Variants in C20orf203 observed in about 807,000 individuals in gnomAD.
The protein encoded by C20orf203 is chromosome 20 open reading frame 203, also known as uncharacterized protein C20orf203.
A neutral mutation model predicts 15.9 loss-of-function variants in C20orf203; 16 were observed. The observed-to-expected ratio is 1.01, with a 90% confidence interval of 0.68 to 1.53. The LOEUF is 1.53. Ranked by LOEUF, C20orf203 falls within the 40% of genes most tolerant of loss-of-function variation. The pLI is 0.00. For missense variants in C20orf203, 263 were observed against 247.5 expected, an observed-to-expected ratio of 1.06 and a Z score of -0.42; for synonymous variants, 98 against 97.2, an observed-to-expected ratio of 1.01 and a Z score of -0.05.
At position 32,641,834 on chromosome 20, in the gene C20orf203, CTGTTTT is replaced by C. The variant is rs1056059854; in HGVS notation, c.*1178-1153_*1178-1148del. On this transcript the variant is annotated intron_variant, in intron 4 of 5. Transcript: ENST00000608990. ...TGAGTTATTTGTTTTTGTTCTGTTT[CTGTTTT>C]TGTTTTTGTTTTTTTGAGACAGAGT... Among the ~76,000 whole-genome samples, 444 of 152,024 alleles carry C rather than the reference CTGTTTT, an allele frequency of 2.9e-3. 3 individuals carry two copies. Among genetic ancestry groups the C allele is most frequent in the East Asian group, 9.7e-3 (50 of 5,174 alleles).
At chr20:32,667,496 C>T (rs187877231) in intron 1 of C20orf203, among the ~76,000 whole-genome samples, 1 of 152,302 alleles carries the variant, frequency 6.6e-6, no homozygotes, top group Non-Finnish European at 1.5e-5. Context: ...CTCTCTTTGA[C>T]CAAAATTCCA....
rs56838832 is a variant in C20orf203, at chr20:32,648,428, C to CTTTTTTT, written c.*1177+820_*1177+826dup. On this transcript the variant is annotated intron_variant, in intron 4 of 5. Transcript: ENST00000608990. ...GGCACTAACCATTGCCTGAAACTGT[C>CTTTTTTT]TTTTTTTTTTTTTTTTTTTTTTTTT... is the stretch of plus-strand genomic sequence containing the variant. 4.7e-4 allele frequency among the ~76,000 whole-genome samples: 38 copies of CTTTTTTT among 80,390 alleles called. 4 individuals carry two copies. Among genetic ancestry groups the CTTTTTTT allele is most frequent in the African/African-American group, 1.7e-3 (34 of 20,214 alleles). 52.7% of individuals were successfully genotyped at this position (80,390 alleles called of 152,430 possible).
In C20orf203 at chr20:32,651,116, C is replaced by T; in HGVS notation, c.37G>A (p.Ala13Thr). The T allele has an allele frequency of 1.5e-6, 2 of 1,316,914 alleles. No homozygotes were observed. Among genetic ancestry groups the T allele is most frequent in the Non-Finnish European group, 2.1e-6 (2 of 960,940 alleles). 81.6% of individuals were successfully genotyped at this position (1,316,914 alleles called of 1,614,324 possible). The change falls in exon 3 of 6, where the codon GCG becomes ACG. Residue 13 changes from alanine to threonine, a missense_variant. Ala to Thr is a moderately conservative substitution (Grantham distance 58, BLOSUM62 0). Transcript: ENST00000608990. ...PRPVLNSRAQAILLPQPPNML... is the reference protein window; with the variant it reads ...PRPVLNSRAQTILLPQPPNML... Reference sequence around the variant, plus strand: ...TTGGGAGGCTGAGGCAGGAGAATCGCTTGAGCCCGGGAGTTCAAGACAGGC... The same window carrying T: ...TTGGGAGGCTGAGGCAGGAGAATCGTTTGAGCCCGGGAGTTCAAGACAGGC...
chr20:32,651,135 G>C lies in C20orf203; in HGVS notation c.18C>G (p.Val6=). The C allele has an allele frequency of 1.4e-6, 1 of 722,216 alleles. No homozygotes were observed. The highest frequency in any genetic ancestry group is 2.1e-6 in the Non-Finnish European group (1 of 476,108). The allele number at this position is 722,216 out of a possible 1,614,324, so 44.7% of individuals were successfully genotyped here. A position where few individuals can be genotyped will look rare whatever the true frequency, so the allele number is the denominator to read the frequency against. Residue 6 remains valine (V), a synonymous_variant, in exon 3 of 6, where the codon GTC becomes GTG. Coordinates refer to ENST00000608990, the MANE Select transcript of C20orf203 (RefSeq NM_182584.4). The stretch of plus-strand genomic sequence containing the variant: ...GAATCGCTTGAGCCCGGGAGTTCAA[G>C]ACAGGCCTAGGAAACATAGGAGACC... The part of the protein sequence containing the change: MFPRP[V]LNSRAQAILL...
intron 4 of C20orf203, among the ~76,000 whole-genome samples, chr20:32,642,002 G>A (rs1568746335): frequency 6.6e-6 from 1 of 151,780 alleles, no homozygotes; most frequent in Non-Finnish European, 1.5e-5. Flanking sequence ...ACACCACCAC[G>A]CCTAATTTTT....
At chr20:32,666,738 G>A (rs1315807977) in intron 1 of C20orf203, among the ~76,000 whole-genome samples, 9 of 139,864 alleles carry the variant, frequency 6.4e-5, no homozygotes, top group Non-Finnish European at 9.3e-5. Context: ...ACTCCAGCCT[G>A]GGTGACAGAG....
intron 5 of C20orf203, among the ~76,000 whole-genome samples, chr20:32,636,953 G>T (rs530285855): frequency 2.6e-5 from 4 of 152,306 alleles, no homozygotes; most frequent in African/African-American, 7.2e-5. Context: ...GGGTGGGCAG[G>T]ACATGTTCAC....
In C20orf203 at chr20:32,650,586, G is replaced by T. The variant is rs1050502933; in HGVS notation, c.431C>A (p.Thr144Lys). ...CAGAGCTTGGCCAAAGTCCCCCACCGTGCCCATTCTGGGCATCCCTCCCAT... is the reference window on the plus strand; with the variant it reads ...CAGAGCTTGGCCAAAGTCCCCCACCTTGCCCATTCTGGGCATCCCTCCCAT... ...RAMGGMPRMG[T>K]VGDFGQALSS... The change falls in exon 4 of 6, where the codon ACG becomes AAG. Residue 144 changes from threonine to lysine, a missense_variant. Coordinates refer to ENST00000608990, the MANE Select transcript of C20orf203 (RefSeq NM_182584.4). 1 of 1,547,380 alleles carries T rather than the reference G, an allele frequency of 6.5e-7. No homozygotes were observed. Among genetic ancestry groups the T allele is most frequent in the Non-Finnish European group, 8.7e-7 (1 of 1,144,136 alleles).
chr20:32,670,715 C>T (rs1389205726), intron 1 of C20orf203, among the ~76,000 whole-genome samples: 1 of 151,592 alleles, frequency 6.6e-6, no homozygotes, highest in African/African-American at 2.4e-5. Flanking sequence ...ACCTGTAATC[C>T]CAGCTACTCA....
intron 4 of C20orf203, among the ~76,000 whole-genome samples, chr20:32,645,680 G>A (rs1485878250): frequency 1.3e-5 from 2 of 152,166 alleles, no homozygotes; most frequent in African/African-American, 2.4e-5. Context: ...CAAGCCCTCC[G>A]AGCTTTTCCA....
chr20:32,650,667 C>T lies in C20orf203; in HGVS notation c.350G>A (p.Arg117Gln), dbSNP rs1002671495. 16 of 1,549,372 alleles carry T rather than the reference C, an allele frequency of 1.0e-5. No individual in the cohort carries two copies. The highest frequency in any genetic ancestry group is 3.9e-5 in the Admixed American group (2 of 50,954). Residue 117 changes from arginine (R) to glutamine (Q), a missense_variant, in exon 4 of 6, where the codon CGG (arginine) becomes CAG (glutamine). Transcript: ENST00000608990. ...VGGLRLSKVG[R>Q]RDREVGRGLR... ...CCCCCTCCCCACTTCCCTATCTCTC[C>T]GACCCACCTTGCTGAGCCTGAGGCC...
chr20:32,637,403 A>T (rs1318976431), intron 5 of C20orf203, among the ~76,000 whole-genome samples: 1 of 152,190 alleles, frequency 6.6e-6, no homozygotes, highest in African/African-American at 2.4e-5. Flanking sequence ...GTGATAGAGC[A>T]AGACTGTCTC....
intron 4 of C20orf203, among the ~76,000 whole-genome samples, chr20:32,646,426 G>C (rs907973146): frequency 6.6e-6 from 1 of 151,950 alleles, no homozygotes; most frequent in Non-Finnish European, 1.5e-5. Flanking sequence ...GGCTGGTCTC[G>C]AACTCCTGGC....
chr20:32,644,574 G>A (rs1032783885), intron 4 of C20orf203, among the ~76,000 whole-genome samples: 2 of 152,154 alleles, frequency 1.3e-5, no homozygotes, highest in Admixed American at 1.3e-4. Context: ...GTCCCCTGGG[G>A]GCACCTGCAG....
intron 1 of C20orf203, among the ~76,000 whole-genome samples, chr20:32,654,551 A>C (rs985407607): frequency 6.6e-6 from 1 of 152,126 alleles, no homozygotes; most frequent in African/African-American, 2.4e-5. Flanking sequence ...CCTGAAAAAG[A>C]ATAATGGTGG....
intron 1 of C20orf203, among the ~76,000 whole-genome samples, chr20:32,665,474 GC>G (rs913699141): frequency 2.0e-5 from 3 of 152,160 alleles, no homozygotes; most frequent in African/African-American, 7.2e-5. Flanking sequence ...GTGCTGGGGA[GC>G]CCCAGTGACC....
rs916550592 is a variant in C20orf203, at chr20:32,632,965, G to C, written c.*2605C>G. 6.6e-6 allele frequency: 1 copy of C among 152,350 alleles called. No individual in the cohort carries two copies. Among genetic ancestry groups the C allele is most frequent in the Non-Finnish European group, 1.5e-5 (1 of 68,156 alleles). The allele number at this position is 152,350 out of a possible 1,614,324, so 9.4% of individuals were successfully genotyped here. ...AAGGCAGCTCTTCACAGGGCGGCAG[G>C]AGGGAGAGTGATACTGAGCAAAGGG... On this transcript the variant is annotated 3_prime_UTR_variant, in exon 6 of 6. Transcript: ENST00000608990.
chr20:32,667,837 A>T (rs928423961), intron 1 of C20orf203, among the ~76,000 whole-genome samples: 1 of 151,878 alleles, frequency 6.6e-6, no homozygotes, highest in African/African-American at 2.4e-5. Flanking sequence ...CACCCAGCTA[A>T]TTTTTTCTAT....
At chr20:32,652,898 G>A (rs1460263224) in intron 1 of C20orf203, among the ~76,000 whole-genome samples, 1 of 152,200 alleles carries the variant, frequency 6.6e-6, no homozygotes, top group Non-Finnish European at 1.5e-5. Flanking sequence ...AGCGGGCAGG[G>A]TGAGTGCTAG....
Sources: gnomAD v4.1 joint callset for allele counts (sites outside exome capture counted in the v4.1 genomes callset) on GRCh38, gnomAD v4.1.1 for gene constraint, MANE v1.5 for transcripts, NCBI Gene and HGNC (gene_info 2026-07-23, HGNC 2026-07-21) for gene names.